SNX29: variants seen among roughly 807,000 people sequenced by gnomAD.
SNX29 encodes sorting nexin-29.
In SNX29, 78 loss-of-function variants were observed where a neutral mutation model predicts 102.1. The observed-to-expected ratio is 0.76, with a 90% CI of 0.64 to 0.92. The LOEUF (loss-of-function observed/expected upper bound fraction) is 0.92, where lower values mean the gene tolerates loss of function less well. Ranked by LOEUF, SNX29 falls within the 40% of genes least tolerant of loss-of-function variation. The probability of loss-of-function intolerance (pLI) is 0.00; values close to 1 mark genes in which losing one functional copy is unlikely to be tolerated. For synonymous variants in SNX29, 580 were observed against 414.5 expected (o/e 1.40, Z -4.85); for missense variants, 1,280 against 1,061.7 (o/e 1.21, Z -2.86).
intron 15 of SNX29, among the ~76,000 whole-genome samples, chr16:12,281,942 G>A (rs1175195536): frequency 6.6e-6 from 1 of 151,928 alleles, no homozygotes; most frequent in Non-Finnish European, 1.5e-5. Flanking sequence ...AAATTAGCCG[G>A]TCATGGTGGC....
At chr16:12,221,992 C>T (rs1269427918) in intron 14 of SNX29, among the ~76,000 whole-genome samples, 1 of 152,202 alleles carries the variant, frequency 6.6e-6, no homozygotes, top group Non-Finnish European at 1.5e-5. Flanking sequence ...GGAACTGGAC[C>T]TTTCCACGTT....
At chr16:12,401,654 G>T (rs1215334947) in intron 17 of SNX29, among the ~76,000 whole-genome samples, 1 of 152,060 alleles carries the variant, frequency 6.6e-6, no homozygotes, top group East Asian at 1.9e-4. Flanking sequence ...GTGAGCCCCT[G>T]CACCCAGCCC....
chr16:12,552,765 G>C (rs552947518), intron 20 of SNX29, among the ~76,000 whole-genome samples: 2 of 152,244 alleles, frequency 1.3e-5, no homozygotes, highest in Non-Finnish European at 2.9e-5. Context: ...TTTAAGGTAT[G>C]AATTCATCTC....
chr16:12,426,746 G>A lies in SNX29; in HGVS notation c.2037+23217G>A, dbSNP rs193204046. On this transcript the variant is annotated intron_variant, in intron 18 of 20. Transcript: ENST00000566228. ...AGTGGCGCGATCTCAGCTCACTGCA[G>A]CCTCTGCCTCCCGGGTTCAAGCGAT... 7.2e-3 allele frequency among the ~76,000 whole-genome samples: 1,094 copies of A among 152,272 alleles called. 14 individuals carry two copies. Among genetic ancestry groups the A allele is most frequent in the African/African-American group, 0.025 (1,044 of 41,554 alleles).
At chr16:12,025,822 G>T (rs569720551) in intron 3 of SNX29, among the ~76,000 whole-genome samples, 1 of 152,176 alleles carries the variant, frequency 6.6e-6, no homozygotes, top group African/African-American at 2.4e-5. Context: ...GATGTTTTTC[G>T]TGATGATATG....
intron 18 of SNX29, among the ~76,000 whole-genome samples, chr16:12,430,673 C>T (rs2085273453): frequency 6.6e-6 from 1 of 152,166 alleles, no homozygotes; most frequent in African/African-American, 2.4e-5. Flanking sequence ...ATTCTGAATA[C>T]ATGACAGGCT....
chr16:12,060,008 C>T (rs1338241583), intron 8 of SNX29, among the ~76,000 whole-genome samples: 1 of 152,124 alleles, frequency 6.6e-6, no homozygotes, highest in Non-Finnish European at 1.5e-5. Flanking sequence ...TTATGATCTG[C>T]TTTGGTCTTC....
intron 11 of SNX29, among the ~76,000 whole-genome samples, chr16:12,117,546 G>A (rs1398552292): frequency 1.3e-5 from 2 of 152,206 alleles, no homozygotes; most frequent in African/African-American, 4.8e-5. Context: ...AGATGATTCC[G>A]TTTCTGTGAA....
intron 17 of SNX29, among the ~76,000 whole-genome samples, chr16:12,399,783 G>A (rs2083867609): frequency 1.3e-5 from 2 of 152,118 alleles, no homozygotes; most frequent in African/African-American, 4.8e-5. Flanking sequence ...AGGTGGGTGA[G>A]AGGTGAAGGA....
intron 4 of SNX29, among the ~76,000 whole-genome samples, chr16:12,030,759 C>T (rs1223205177): frequency 3.3e-5 from 5 of 152,188 alleles, no homozygotes; most frequent in East Asian, 1.9e-4. Context: ...GTATCCAGTG[C>T]GTGATCTGGC....
chr16:12,405,022 A>G (rs958602902), intron 18 of SNX29, among the ~76,000 whole-genome samples: 1 of 152,196 alleles, frequency 6.6e-6, no homozygotes. Flanking sequence ...GCTCCGGTTT[A>G]AAGGGAGAAT....
intron 18 of SNX29, among the ~76,000 whole-genome samples, chr16:12,442,034 C>T (rs1485113672): frequency 6.6e-6 from 1 of 152,192 alleles, no homozygotes; most frequent in Non-Finnish European, 1.5e-5. Flanking sequence ...GCCACCTCAG[C>T]CTCCCAAAGT....
At chr16:12,291,775 G>A (rs959236408) in intron 15 of SNX29, among the ~76,000 whole-genome samples, 1 of 152,206 alleles carries the variant, frequency 6.6e-6, no homozygotes, top group African/African-American at 2.4e-5. Context: ...GGAGAGGGAT[G>A]GATCCCCAGA....
chr16:12,028,536 A>G (rs2151121736), intron 4 of SNX29, among the ~76,000 whole-genome samples: 2 of 150,650 alleles, frequency 1.3e-5, no homozygotes, highest in Middle Eastern at 7.1e-3. Context: ...GCTGGTTTTT[A>G]AACTTTTATA....
intron 11 of SNX29, among the ~76,000 whole-genome samples, chr16:12,097,923 A>G (rs2052838765): frequency 6.6e-6 from 1 of 152,194 alleles, no homozygotes; most frequent in Admixed American, 6.5e-5. Flanking sequence ...GAGTAGCCTG[A>G]CTGGGCTGCT....
At chr16:12,329,645 G>T (rs1438187067) in intron 15 of SNX29, among the ~76,000 whole-genome samples, 1 of 152,170 alleles carries the variant, frequency 6.6e-6, no homozygotes, top group Non-Finnish European at 1.5e-5. Context: ...TATTACCTTC[G>T]TGTCTATCCA....
chr16:12,537,394 C>CCAAA (rs749488826), intron 20 of SNX29, among the ~76,000 whole-genome samples: 4 of 152,218 alleles, frequency 2.6e-5, no homozygotes, highest in Non-Finnish European at 5.9e-5. Flanking sequence ...AGACTTTGAG[C>CCAAA]CAAACAGACC....
At chr16:12,384,629 G>C (rs1347174475) in intron 16 of SNX29, among the ~76,000 whole-genome samples, 1 of 152,180 alleles carries the variant, frequency 6.6e-6, no homozygotes, top group African/African-American at 2.4e-5. Flanking sequence ...TTCCTTGCCA[G>C]ATGTGTAGTT....
At chr16:12,438,470 C>G (rs2085641775) in intron 18 of SNX29, among the ~76,000 whole-genome samples, 1 of 152,178 alleles carries the variant, frequency 6.6e-6, no homozygotes, top group Non-Finnish European at 1.5e-5. Flanking sequence ...CTGGCAGACC[C>G]TGTCTTTTCA....
Sources: gnomAD v4.1 joint callset for allele counts (sites outside exome capture counted in the v4.1 genomes callset) on GRCh38, gnomAD v4.1.1 for gene constraint, MANE v1.5 for transcripts, NCBI Gene and HGNC (gene_info 2026-07-23, HGNC 2026-07-21) for gene names.